Variants in SORCS3 observed in about 807,000 individuals in gnomAD.
SORCS3 encodes VPS10 domain-containing receptor SorCS3.
SORCS3 carries 57 observed loss-of-function variants against 146.3 expected under a neutral mutation model. The ratio of observed to expected loss-of-function variants is 0.39; its 90% CI spans 0.31 to 0.49. SORCS3 has a LOEUF of 0.49. SORCS3 is among the 20% of genes least tolerant of loss of function. SORCS3 has a pLI of 0.92. For missense variants in SORCS3, 1,341 were observed against 1,575.5 expected, an observed-to-expected ratio of 0.85 and a Z score of 2.52; for synonymous variants, 653 against 618.5, an observed-to-expected ratio of 1.06 and a Z score of -0.83.
At chr10:104,945,912 G>A (rs899208397) in intron 3 of SORCS3, among the ~76,000 whole-genome samples, 21 of 152,018 alleles carry the variant, frequency 1.4e-4, no homozygotes, top group African/African-American at 5.1e-4. Context: ...TCAGGCGGCT[G>A]TTATTTTTAA....
chr10:104,695,910 G>A (rs956028878), intron 1 of SORCS3, among the ~76,000 whole-genome samples: 1 of 146,936 alleles, frequency 6.8e-6, no homozygotes, highest in Admixed American at 6.9e-5. Flanking sequence ...TCCAATGGTG[G>A]CTGAATGGAT....
At chr10:104,778,762 G>A (rs2017340802) in intron 1 of SORCS3, among the ~76,000 whole-genome samples, 1 of 152,170 alleles carries the variant, frequency 6.6e-6, no homozygotes, top group Non-Finnish European at 1.5e-5. Context: ...GGGGCATATT[G>A]TAGGTACTTG....
At chr10:104,780,890 A>G (rs2017366570) in intron 1 of SORCS3, among the ~76,000 whole-genome samples, 2 of 152,232 alleles carry the variant, frequency 1.3e-5, no homozygotes, top group Non-Finnish European at 1.5e-5. Flanking sequence ...GGAAAGACTA[A>G]TAACACATAG....
At chr10:104,947,548 G>A (rs1326703064) in intron 3 of SORCS3, among the ~76,000 whole-genome samples, 6 of 152,170 alleles carry the variant, frequency 3.9e-5, no homozygotes, top group Non-Finnish European at 8.8e-5. Context: ...CATCCGCGCA[G>A]GCTCAGAGAA....
At chr10:104,818,163 TC>T (rs562468775) in intron 1 of SORCS3, among the ~76,000 whole-genome samples, 1 of 152,092 alleles carries the variant, frequency 6.6e-6, no homozygotes, top group Non-Finnish European at 1.5e-5. Context: ...CTGGCTCACC[TC>T]CCCTCACTTC....
chr10:104,673,062 G>A (rs768323066), intron 1 of SORCS3, among the ~76,000 whole-genome samples: 1 of 151,960 alleles, frequency 6.6e-6, no homozygotes, highest in Non-Finnish European at 1.5e-5. Context: ...TTAGATATTA[G>A]TATAGTCACC....
At chr10:104,788,653 C>G (rs2017464219) in intron 1 of SORCS3, among the ~76,000 whole-genome samples, 1 of 152,134 alleles carries the variant, frequency 6.6e-6, no homozygotes, top group African/African-American at 2.4e-5. Flanking sequence ...GTTTGTATTA[C>G]TTTCTCAAAT....
chr10:104,748,925 A>G (rs7475735), intron 1 of SORCS3, among the ~76,000 whole-genome samples: 1,914 of 152,272 alleles, frequency 0.013, 18 homozygotes, highest in Non-Finnish European at 0.021. Flanking sequence ...TTTCCAGCAG[A>G]TTCCCAGAAG....
intron 1 of SORCS3, among the ~76,000 whole-genome samples, chr10:104,838,584 C>T (rs2018100386): frequency 6.6e-6 from 1 of 152,108 alleles, no homozygotes; most frequent in Non-Finnish European, 1.5e-5. Context: ...TTGACTTTTC[C>T]TCTGGGGAAT....
At chr10:104,954,226 A>G (rs1372036360) in intron 3 of SORCS3, among the ~76,000 whole-genome samples, 1 of 152,162 alleles carries the variant, frequency 6.6e-6, no homozygotes, top group Non-Finnish European at 1.5e-5. Context: ...TAGGAAGAAA[A>G]TTGTGGTCCT....
intron 4 of SORCS3, among the ~76,000 whole-genome samples, chr10:105,038,323 G>A (rs2055318971): frequency 6.6e-6 from 1 of 152,192 alleles, no homozygotes; most frequent in Non-Finnish European, 1.5e-5. Flanking sequence ...AGCCATGCAG[G>A]ACTGTATAAA....
intron 13 of SORCS3, 29 bp from the exon 14 acceptor site, chr10:105,178,037 T>C (rs1482015317): frequency 1.9e-6 from 3 of 1,539,200 alleles, no homozygotes; most frequent in African/African-American, 1.4e-5. Context: ...TTTTCAGCTG[T>C]CTTTTTTGTG....
intron 5 of SORCS3, among the ~76,000 whole-genome samples, chr10:105,066,487 A>G (rs1264499001): frequency 2.6e-5 from 4 of 152,182 alleles, no homozygotes; most frequent in Admixed American, 1.3e-4. Flanking sequence ...TTTCCTTGCC[A>G]GGAGCAGAGC....
At chr10:105,055,771 T>C (rs2055442062) in intron 5 of SORCS3, among the ~76,000 whole-genome samples, 1 of 152,154 alleles carries the variant, frequency 6.6e-6, no homozygotes, top group Admixed American at 6.6e-5. Flanking sequence ...TCTGACCTGT[T>C]TTTCCAGCAA....
intron 5 of SORCS3, 96 bp downstream of exon 5, chr10:105,043,224 C>A (rs1307097826): frequency 1.7e-5 from 18 of 1,065,826 alleles, no homozygotes; most frequent in Non-Finnish European, 2.6e-5. Context: ...TTCTTGCAGA[C>A]AAATGTGTTC....
intron 1 of SORCS3, among the ~76,000 whole-genome samples, chr10:104,800,483 G>A (rs941436765): frequency 2.0e-5 from 3 of 152,138 alleles, no homozygotes; most frequent in South Asian, 2.1e-4. Context: ...TGGACTTTGG[G>A]TAGTGATGTG....
chr10:104,755,391 C>G (rs1432255260), intron 1 of SORCS3, among the ~76,000 whole-genome samples: 2 of 152,098 alleles, frequency 1.3e-5, no homozygotes, highest in African/African-American at 4.8e-5. Context: ...TGTGAATTTT[C>G]TTGAGAAGAG....
chr10:104,931,542 G>T (rs1382330070), intron 3 of SORCS3, among the ~76,000 whole-genome samples: 1 of 152,172 alleles, frequency 6.6e-6, no homozygotes, highest in Non-Finnish European at 1.5e-5. Context: ...TCAAAGGAGA[G>T]TCTGAGTCAG....
chr10:104,728,772 G>T (rs970158148), intron 1 of SORCS3, among the ~76,000 whole-genome samples: 1 of 152,154 alleles, frequency 6.6e-6, no homozygotes, highest in Non-Finnish European at 1.5e-5. Flanking sequence ...TCTAGCTCTA[G>T]ATTTTCTGAG....
Sources: gnomAD v4.1 joint callset for allele counts (sites outside exome capture counted in the v4.1 genomes callset) on GRCh38, gnomAD v4.1.1 for gene constraint, MANE v1.5 for transcripts, NCBI Gene and HGNC (gene_info 2026-07-23, HGNC 2026-07-21) for gene names.